Variants in PLEKHG7 observed in about 807,000 individuals in gnomAD.
The protein encoded by PLEKHG7 is pleckstrin homology and RhoGEF domain containing G7.
A neutral mutation model predicts 85.2 loss-of-function variants in PLEKHG7; 77 were observed. The ratio of observed to expected loss-of-function variants is 0.90; its 90% CI spans 0.75 to 1.09. The LOEUF (loss-of-function observed/expected upper bound fraction) is 1.09. Among genes scored for constraint, PLEKHG7 ranks in the 50% least tolerant of loss-of-function variants. The probability of loss-of-function intolerance (pLI) is 0.00; values close to 1 mark genes in which losing one functional copy is unlikely to be tolerated. For missense variants in PLEKHG7, 777 were observed against 804.3 expected (o/e 0.97, Z 0.41); for synonymous variants, 301 against 302.4 (o/e 1.00, Z 0.05).
At chr12:92,703,166 T>G (rs1036244629) in intron 1 of PLEKHG7, 34 bp downstream of exon 1, 2 of 152,350 alleles carry the variant, frequency 1.3e-5, no homozygotes, top group Non-Finnish European at 2.9e-5. Flanking sequence ...CTTTCTGGGT[T>G]TCTCTCTTGC....
chr12:92,705,738 C>T (rs779467500), intron 1 of PLEKHG7, among the ~76,000 whole-genome samples: 2 of 152,194 alleles, frequency 1.3e-5, no homozygotes, highest in Non-Finnish European at 2.9e-5. Flanking sequence ...CCACACATAC[C>T]TTCTTCATGT....
At position 92,740,909 on chromosome 12, in the gene PLEKHG7, T is replaced by C. The variant is rs1422082833; in HGVS notation, c.996T>C (p.Asp332=). The part of the protein sequence containing the change: ...LQTHEYLLDV[D]LWRLFANLEE... ...CTCATGAATATCTCCTAGATGTGGATTTATGGAGACTTTTTGCAAACCTGG... is the reference window on the plus strand; with the variant it reads ...CTCATGAATATCTCCTAGATGTGGACTTATGGAGACTTTTTGCAAACCTGG... Residue 332 remains aspartate, a synonymous_variant, in exon 8 of 17, where the codon GAT becomes GAC. Coordinates refer to ENST00000344636, the MANE Select transcript of PLEKHG7 (RefSeq NM_001377329.1). 2 of 1,612,404 alleles carry C rather than the reference T, an allele frequency of 1.2e-6. No individual in the cohort carries two copies. The highest frequency in any genetic ancestry group is 1.7e-6 in the Non-Finnish European group (2 of 1,178,938).
Position 92,749,931 on chromosome 12 carries a change from T to A in PLEKHG7, c.1252-4159T>A, listed in dbSNP as rs868777427. ...CATTTATTTTATTTTATTTTATTTA[T>A]TTTATTTTATATTTTATTTTATTTT... On this transcript the variant is annotated intron_variant, in intron 10 of 16. Transcript: ENST00000344636. 1.3e-4 allele frequency among the ~76,000 whole-genome samples: 14 copies of A among 110,544 alleles called. No homozygotes were observed. In the East Asian group the frequency reaches 1.6e-3, roughly 12 times the overall value. 72.5% of individuals were successfully genotyped at this position (110,544 alleles called of 152,430 possible).
intron 4 of PLEKHG7, among the ~76,000 whole-genome samples, chr12:92,729,766 G>A: frequency 6.6e-6 from 1 of 152,182 alleles, no homozygotes; most frequent in Non-Finnish European, 1.5e-5. Flanking sequence ...GTTCTTAGCA[G>A]AGTCCTTTTT....
chr12:92,708,762 C>T (rs1248588775), intron 3 of PLEKHG7, among the ~76,000 whole-genome samples: 1 of 152,182 alleles, frequency 6.6e-6, no homozygotes, highest in Admixed American at 6.5e-5. Flanking sequence ...CTCTTGGAGC[C>T]TGGGCTCTGA....
chr12:92,724,822 A>G (rs1262765913), intron 3 of PLEKHG7, among the ~76,000 whole-genome samples: 1 of 152,192 alleles, frequency 6.6e-6, no homozygotes, highest in Non-Finnish European at 1.5e-5. Flanking sequence ...AGTAGCTGCA[A>G]GAGAGTCAGA....
chr12:92,745,602 A>G lies in PLEKHG7; in HGVS notation c.1251+11A>G, dbSNP rs1358108928. The G allele has an allele frequency of 1.3e-6, 2 of 1,579,304 alleles. No homozygotes were observed. Among genetic ancestry groups the G allele is most frequent in the Non-Finnish European group, 1.7e-6 (2 of 1,149,082 alleles). On this transcript the variant is annotated intron_variant, in intron 10 of 16. Transcript: ENST00000344636. ...GGAATTTATTTAAAAGTAAAGTATC[A>G]TTTTCTTTTCTTTTGTATTTTTGCT...
At chr12:92,735,313 A>T (rs969385559) in intron 5 of PLEKHG7, among the ~76,000 whole-genome samples, 5 of 152,220 alleles carry the variant, frequency 3.3e-5, no homozygotes, top group Non-Finnish European at 7.3e-5. Context: ...TGAGTCTACA[A>T]TAGGTTTCCT....
intron 9 of PLEKHG7, among the ~76,000 whole-genome samples, chr12:92,745,190 G>A (rs967470205): frequency 2.0e-5 from 3 of 152,182 alleles, no homozygotes; most frequent in Non-Finnish European, 4.4e-5. Context: ...GTAAAAGGGT[G>A]AATTAAATCA....
intron 3 of PLEKHG7, among the ~76,000 whole-genome samples, chr12:92,716,504 C>T (rs1012743526): frequency 3.3e-5 from 5 of 152,200 alleles, no homozygotes; most frequent in Admixed American, 6.5e-5. Flanking sequence ...TTTGTGAACT[C>T]GTTCTTCCTG....
intron 1 of PLEKHG7, among the ~76,000 whole-genome samples, chr12:92,704,652 A>G (rs1446615252): frequency 6.6e-6 from 1 of 152,270 alleles, no homozygotes; most frequent in East Asian, 1.9e-4. Context: ...TCTTTTGTGA[A>G]TAAGAGTTGA....
Position 92,771,159 on chromosome 12 carries a change from G to A in PLEKHG7, c.*964G>A, listed in dbSNP as rs1233075066. 6.6e-6 allele frequency: 1 copy of A among 152,068 alleles called. No homozygotes were observed. The highest frequency in any genetic ancestry group is 1.5e-5 in the Non-Finnish European group (1 of 67,976). 9.4% of individuals were successfully genotyped at this position (152,068 alleles called of 1,614,324 possible). On this transcript the variant is annotated 3_prime_UTR_variant, in exon 17 of 17. Coordinates refer to ENST00000344636, the MANE Select transcript of PLEKHG7 (RefSeq NM_001377329.1). ...ACTACATTCAAGGAACTAGTTCTTAGGGTCAGATTATTGCATCAAAGGGAA... is the reference window on the plus strand; with the variant it reads ...ACTACATTCAAGGAACTAGTTCTTAAGGTCAGATTATTGCATCAAAGGGAA...
intron 4 of PLEKHG7, 97 bp from the exon 5 acceptor site, chr12:92,732,136 C>A (rs1449963373): frequency 1.6e-6 from 1 of 623,038 alleles, no homozygotes; most frequent in Non-Finnish European, 2.3e-6. Flanking sequence ...TTCTGTTTGG[C>A]TAATTTTCAA....
intron 10 of PLEKHG7, among the ~76,000 whole-genome samples, chr12:92,747,589 A>G (rs1872568659): frequency 2.0e-5 from 3 of 152,364 alleles, no homozygotes; most frequent in South Asian, 2.1e-4. Flanking sequence ...TCAGTGTATC[A>G]AAGGAATACC....
intron 13 of PLEKHG7, 108 bp from the exon 14 acceptor site, chr12:92,761,623 GAAGAAAGAAAGAAAGAAAGAA>G (rs1873005485): frequency 7.0e-6 from 5 of 718,842 alleles, no homozygotes; most frequent in African/African-American, 2.3e-5. Flanking sequence ...AAGAAAGAAA[GAAGAAAGAAAGAAAGAAAGAA>G]AGAAAGAAAG....
At chr12:92,738,217 T>C (rs151271658) in intron 7 of PLEKHG7, among the ~76,000 whole-genome samples, 3 of 152,332 alleles carry the variant, frequency 2.0e-5, no homozygotes, top group South Asian at 4.1e-4. Context: ...GTCGCAGCCA[T>C]GCTCTGGTGA....
intron 16 of PLEKHG7, among the ~76,000 whole-genome samples, chr12:92,769,408 T>C (rs561509684): frequency 6.6e-6 from 1 of 152,176 alleles, no homozygotes; most frequent in Non-Finnish European, 1.5e-5. Flanking sequence ...GGGGGAAGAA[T>C]TGATTTGGAT....
At position 92,715,018 on chromosome 12, in the gene PLEKHG7, GGATAGATAGATAGATA is replaced by G. The variant is rs10563574; in HGVS notation, c.530+7379_530+7394del. On this transcript the variant is annotated intron_variant, in intron 3 of 16. Coordinates refer to ENST00000344636, the MANE Select transcript of PLEKHG7 (RefSeq NM_001377329.1). ...GTTCTCTAGAGGAACAGAACTAATG[GGATAGATAGATAGATA>G]GATAGATAGATAGATAGATAGATAG... Among the ~76,000 whole-genome samples, 184 of 147,536 alleles carry G rather than the reference GGATAGATAGATAGATA, an allele frequency of 1.2e-3. 1 individual carries two copies. Among genetic ancestry groups the G allele is most frequent in the Middle Eastern group, 3.5e-3 (1 of 284 alleles).
rs184159492 is a variant in PLEKHG7 at position 92,760,785 on chromosome 12, A to G, written c.1637-967A>G. On this transcript the variant is annotated intron_variant, in intron 13 of 16. Coordinates refer to ENST00000344636, the MANE Select transcript of PLEKHG7 (RefSeq NM_001377329.1). ...GCCTTAAGTAACTATTAAAACTAAT[A>G]TCAGAAAAGTTTGTAAATATGAAAC... 1.6e-3 allele frequency among the ~76,000 whole-genome samples: 239 copies of G among 152,380 alleles called. 1 individual carries two copies. Among genetic ancestry groups the G allele is most frequent in the African/African-American group, 5.6e-3 (231 of 41,598 alleles).
Sources: gnomAD v4.1 joint callset for allele counts (sites outside exome capture counted in the v4.1 genomes callset) on GRCh38, gnomAD v4.1.1 for gene constraint, MANE v1.5 for transcripts, NCBI Gene and HGNC (gene_info 2026-07-23, HGNC 2026-07-21) for gene names.